The following SNTB1 variants were observed in gnomAD, a reference collection of about 807,000 sequenced individuals.
SNTB1 encodes the protein syntrophin beta 1.
SNTB1 carries 36 observed loss-of-function variants against 48.9 expected under a neutral mutation model. That is an observed-to-expected ratio of 0.74 (90% confidence interval 0.56 to 0.97). SNTB1 has a LOEUF of 0.97. SNTB1 is among the 50% of genes least tolerant of loss of function. The pLI is 0.00. For synonymous variants in SNTB1, 299 were observed against 294.6 expected, an observed-to-expected ratio of 1.01 and a Z score of -0.15; for missense variants, 786 against 703.4, an observed-to-expected ratio of 1.12 and a Z score of -1.33.
At chr8:120,754,099 C>T (rs754386887) in intron 1 of SNTB1, among the ~76,000 whole-genome samples, 16 of 152,192 alleles carry the variant, frequency 1.1e-4, no homozygotes, top group Non-Finnish European at 2.4e-4. Context: ...TAGTAACTCA[C>T]TTTCTATTTG....
At chr8:120,800,174 G>T (rs1820197936) in intron 1 of SNTB1, among the ~76,000 whole-genome samples, 2 of 152,096 alleles carry the variant, frequency 1.3e-5, no homozygotes, top group Admixed American at 6.5e-5. Context: ...CCAAACATAG[G>T]TTAAGAGTCA....
At chr8:120,664,925 G>A (rs962689561) in intron 2 of SNTB1, among the ~76,000 whole-genome samples, 7 of 151,948 alleles carry the variant, frequency 4.6e-5, no homozygotes, top group African/African-American at 1.5e-4. Flanking sequence ...CCACATCCTC[G>A]CCAATACCTA....
intron 4 of SNTB1, chr8:120,571,239 A>C (rs774142857): frequency 3.9e-6 from 5 of 1,268,906 alleles, no homozygotes; most frequent in Non-Finnish European, 5.1e-6. Context: ...TCTGAGAATC[A>C]TTTCAAGATG....
rs748481413 is a variant in SNTB1, at chr8:120,811,321, C to T, written c.523G>A (p.Glu175Lys). 4.3e-6 allele frequency: 7 copies of T among 1,610,876 alleles called. No homozygotes were observed. Among genetic ancestry groups the T allele is most frequent in the African/African-American group, 1.3e-5 (1 of 75,060 alleles). ...GCGCGCTTCAACGCCTGCACCGCCT[C>T]GTCGTGGGTGGCGTCCCGCAGGTCG... is the stretch of plus-strand genomic sequence containing the variant. Reference protein sequence around the residue: ...GADLRDATHDEAVQALKRAGK... With the variant: ...GADLRDATHDKAVQALKRAGK... Residue 175 changes from glutamate to lysine, a missense_variant, in exon 1 of 7, where the codon GAG (glutamate) becomes AAG (lysine). Physicochemically the swap from Glu to Lys is moderately conservative, Grantham distance 56. Transcript: ENST00000517992.
At chr8:120,635,210 A>C (rs1817054842) in intron 2 of SNTB1, among the ~76,000 whole-genome samples, 1 of 152,228 alleles carries the variant, frequency 6.6e-6, no homozygotes, top group African/African-American at 2.4e-5. Flanking sequence ...CTTTTCAAAA[A>C]AATGGGTAAT....
intron 1 of SNTB1, among the ~76,000 whole-genome samples, chr8:120,749,014 T>C (rs1275371679): frequency 6.6e-6 from 1 of 152,136 alleles, no homozygotes; most frequent in Admixed American, 6.5e-5. Flanking sequence ...TGGCACCCAA[T>C]AAGAACATAA....
intron 2 of SNTB1, among the ~76,000 whole-genome samples, chr8:120,651,183 T>C (rs1053574003): frequency 6.6e-6 from 1 of 152,176 alleles, no homozygotes; most frequent in African/African-American, 2.4e-5. Context: ...CCAGGGCAGG[T>C]GGGCTATAGT....
At chr8:120,788,852 A>T (rs764069560) in intron 1 of SNTB1, among the ~76,000 whole-genome samples, 2 of 152,088 alleles carry the variant, frequency 1.3e-5, no homozygotes, top group Non-Finnish European at 2.9e-5. Context: ...AAAATCAACA[A>T]AGAAACACTG....
chr8:120,770,685 C>T (rs1035885682), intron 1 of SNTB1, among the ~76,000 whole-genome samples: 4 of 152,020 alleles, frequency 2.6e-5, no homozygotes, highest in Non-Finnish European at 4.4e-5. Context: ...TGATGGCAGG[C>T]GCCGGTAATC....
At chr8:120,771,986 C>T (rs934913270) in intron 1 of SNTB1, among the ~76,000 whole-genome samples, 1 of 152,146 alleles carries the variant, frequency 6.6e-6, no homozygotes, top group Admixed American at 6.5e-5. Flanking sequence ...CCTCCTGCCT[C>T]AGCCTCCCAA....
intron 1 of SNTB1, among the ~76,000 whole-genome samples, chr8:120,775,088 A>T (rs1012199449): frequency 2.0e-5 from 3 of 152,226 alleles, no homozygotes; most frequent in African/African-American, 4.8e-5. Context: ...AATTTTTGTC[A>T]TAACATACTT....
chr8:120,716,662 AG>A (rs1367922298), intron 1 of SNTB1, among the ~76,000 whole-genome samples: 5 of 152,334 alleles, frequency 3.3e-5, no homozygotes, highest in African/African-American at 1.2e-4. Flanking sequence ...CTCTCCTTGA[AG>A]GTGTCCCATG....
intron 2 of SNTB1, among the ~76,000 whole-genome samples, chr8:120,659,907 G>A (rs937947575): frequency 1.4e-4 from 22 of 152,154 alleles, no homozygotes; most frequent in African/African-American, 5.3e-4. Flanking sequence ...CTCCATCATA[G>A]CTCTTGGGTG....
chr8:120,576,096 C>T (rs144706263), intron 3 of SNTB1, among the ~76,000 whole-genome samples: 1 of 152,274 alleles, frequency 6.6e-6, no homozygotes, highest in East Asian at 1.9e-4. Context: ...GGACTATGTT[C>T]CAGTAGCATC....
At chr8:120,727,529 C>T (rs574361409) in intron 1 of SNTB1, among the ~76,000 whole-genome samples, 20 of 152,278 alleles carry the variant, frequency 1.3e-4, no homozygotes, top group South Asian at 6.2e-4. Flanking sequence ...CGCAGTGCTT[C>T]GTACAGTGCC....
chr8:120,581,780 G>A (rs1816054113), intron 3 of SNTB1, among the ~76,000 whole-genome samples: 1 of 152,044 alleles, frequency 6.6e-6, no homozygotes, highest in African/African-American at 2.4e-5. Context: ...TTTTTAGACA[G>A]TGTCTTGCTC....
At chr8:120,718,347 G>T (rs1431738983) in intron 1 of SNTB1, among the ~76,000 whole-genome samples, 1 of 152,204 alleles carries the variant, frequency 6.6e-6, no homozygotes, top group Middle Eastern at 3.2e-3. Flanking sequence ...GAGCTGAGCT[G>T]TCCACACATG....
At position 120,543,477 on chromosome 8, in the gene SNTB1, T is replaced by C. The variant is rs147789814; in HGVS notation, c.1334-1477A>G. Among the ~76,000 whole-genome samples the C allele has an allele frequency of 2.6e-5, 4 of 152,254 alleles. No homozygotes were observed. In the South Asian group the frequency reaches 6.2e-4, roughly 24 times the overall value. On this transcript the variant is annotated intron_variant, in intron 5 of 6. Transcript: ENST00000517992. The stretch of plus-strand genomic sequence containing the variant: ...CTGAAGCTGGAACACGGCCCAATAT[T>C]ATAGGTGGAAAAAGGAAAGCTCAGA...
At chr8:120,638,281 G>A (rs1279136647) in intron 2 of SNTB1, 1 of 152,160 alleles carries the variant, frequency 6.6e-6, no homozygotes, top group African/African-American at 2.4e-5. Context: ...TGGAAGAAGC[G>A]GGAAAACACA....
Sources: allele counts gnomAD v4.1 joint callset (sites outside exome capture counted in the v4.1 genomes callset), GRCh38; gene constraint gnomAD v4.1.1; transcripts MANE v1.5; gene names NCBI Gene and HGNC (gene_info 2026-07-23, HGNC 2026-07-21).